Variants in SLX9 observed in about 807,000 individuals in gnomAD.
SLX9 encodes SLX9 ribosome biogenesis factor, also known as ribosome biogenesis protein SLX9 homolog.
SLX9 carries 19 observed loss-of-function variants against 20.8 expected under a neutral mutation model. The ratio of observed to expected loss-of-function variants is 0.91; its 90% CI spans 0.64 to 1.34. SLX9 has a LOEUF of 1.34. Ranked by LOEUF, SLX9 falls within the 40% of genes most tolerant of loss-of-function variation. The pLI is 0.00. For synonymous variants in SLX9, 113 were observed against 137.1 expected (o/e 0.82, Z 1.23); for missense variants, 299 against 322.2 (o/e 0.93, Z 0.55).
chr21:44,964,574 G>T (rs1461699632), intron 3 of SLX9, among the ~76,000 whole-genome samples: 1 of 152,146 alleles, frequency 6.6e-6, no homozygotes, highest in African/African-American at 2.4e-5. Context: ...CACACAGCCT[G>T]TGCCCCAGCC....
At chr21:44,964,971 G>T (rs940560004) in intron 3 of SLX9, among the ~76,000 whole-genome samples, 9 of 152,158 alleles carry the variant, frequency 5.9e-5, no homozygotes, top group African/African-American at 2.2e-4. Context: ...CACTTTGCCT[G>T]GTCTGCCCTG....
In SLX9 at chr21:44,976,839, C is replaced by T; in HGVS notation, c.*36C>T. On this transcript the variant is annotated 3_prime_UTR_variant, in exon 6 of 6. Coordinates refer to ENST00000291634, the MANE Select transcript of SLX9 (RefSeq NM_058190.4). ...GGGCATGCCACAACTCCTCAGGACA[C>T]ATGTGGGCCAAGTAGAGAGCGCCGG... 1 of 1,539,028 alleles carries T rather than the reference C, an allele frequency of 6.5e-7. No individual in the cohort carries two copies. Among genetic ancestry groups the T allele is most frequent in the South Asian group, 1.2e-5 (1 of 83,974 alleles).
At chr21:44,955,616 C>G (rs940149984) in intron 2 of SLX9, among the ~76,000 whole-genome samples, 4 of 152,138 alleles carry the variant, frequency 2.6e-5, no homozygotes, top group Non-Finnish European at 5.9e-5. Context: ...CCTGGGCTCA[C>G]GCAATCTTCC....
chr21:44,952,344 CAG>C lies in SLX9; in HGVS notation c.284-7755_284-7754del, dbSNP rs1265261298. ...GCAATCGGCAGCTTCCCTGGCCACT[CAG>C]GGAGTGACTCCTCCTCATCAGAGCT... On this transcript the variant is annotated intron_variant, in intron 2 of 5. Transcript: ENST00000291634. Among the ~76,000 whole-genome samples the C allele has an allele frequency of 5.9e-5, 9 of 152,390 alleles. No individual in the cohort carries two copies. In the East Asian group the frequency reaches 1.3e-3, roughly 23 times the overall value.
intron 1 of SLX9, among the ~76,000 whole-genome samples, chr21:44,942,098 A>C (rs2084560934): frequency 6.6e-6 from 1 of 152,174 alleles, no homozygotes; most frequent in Non-Finnish European, 1.5e-5. Context: ...TTTTTTATTA[A>C]GCTCCAAAAA....
intron 2 of SLX9, among the ~76,000 whole-genome samples, chr21:44,944,736 TGGGAGCGCCAGGACAGGGCAGGAGCC>T (rs2084611884): frequency 1.3e-5 from 2 of 152,150 alleles, no homozygotes. Flanking sequence ...TCGGCAGAGC[TGGGAGCGCCAGGACAGGGCAGGAGCC>T]GGGTCTGGGG....
At chr21:44,967,012 A>G (rs1219817497) in intron 3 of SLX9, 22 bp from the exon 4 acceptor site, 2 of 1,597,700 alleles carry the variant, frequency 1.3e-6, no homozygotes, top group Non-Finnish European at 1.7e-6. Context: ...GTTTGCCTCT[A>G]ACGTCGTTTC....
In SLX9 at chr21:44,941,837, G is replaced by A. The variant is rs190030258; in HGVS notation, c.129+1651G>A. Among the ~76,000 whole-genome samples, 466 of 152,312 alleles carry A rather than the reference G, an allele frequency of 3.1e-3. 1 individual carries two copies. Among genetic ancestry groups the A allele is most frequent in the Non-Finnish European group, 4.9e-3 (330 of 68,028 alleles). Reference sequence around the variant, plus strand: ...TGCCCTCTGCATCTGTCACCACCCAGAGCTCCTTCCTGGTCAGCAACACCC... The same window carrying A: ...TGCCCTCTGCATCTGTCACCACCCAAAGCTCCTTCCTGGTCAGCAACACCC... On this transcript the variant is annotated intron_variant, in intron 1 of 5. Coordinates refer to ENST00000291634, the MANE Select transcript of SLX9 (RefSeq NM_058190.4).
intron 4 of SLX9, among the ~76,000 whole-genome samples, chr21:44,972,587 C>CTA (rs1033208539): frequency 2.6e-5 from 4 of 152,222 alleles, no homozygotes; most frequent in Non-Finnish European, 5.9e-5. Context: ...AGGGCAGGAT[C>CTA]TACGGTGGGT....
At chr21:44,959,369 C>T in intron 2 of SLX9, 6 of 596,292 alleles carry the variant, frequency 1.0e-5, no homozygotes, top group Non-Finnish European at 1.3e-5. Context: ...CTTGAGTCCA[C>T]TCTGTTTCAG....
At chr21:44,940,004 G>A, upstream of SLX9, 1 of 1,377,404 alleles carries the variant, frequency 7.3e-7, no homozygotes, top group Non-Finnish European at 9.4e-7. Flanking sequence ...CGGCGAGAAC[G>A]CAGGACCAGC....
At chr21:44,954,129 A>G (rs555120511) in intron 2 of SLX9, among the ~76,000 whole-genome samples, 3 of 152,222 alleles carry the variant, frequency 2.0e-5, no homozygotes, top group Admixed American at 6.5e-5. Flanking sequence ...GGGGTGAGCT[A>G]ACACTGGGGG....
At chr21:44,949,733 C>T (rs950636735) in intron 2 of SLX9, among the ~76,000 whole-genome samples, 1 of 152,216 alleles carries the variant, frequency 6.6e-6, no homozygotes, top group African/African-American at 2.4e-5. Flanking sequence ...GACGAGGCCA[C>T]CAGGCTGTGG....
At chr21:44,951,677 G>A (rs889977065) in intron 2 of SLX9, among the ~76,000 whole-genome samples, 3 of 152,156 alleles carry the variant, frequency 2.0e-5, no homozygotes, top group Non-Finnish European at 4.4e-5. Flanking sequence ...GGAGCCGCCC[G>A]AGCGCGCTGT....
chr21:44,974,160 G>T (rs1428153468), intron 5 of SLX9, among the ~76,000 whole-genome samples: 1 of 152,212 alleles, frequency 6.6e-6, no homozygotes, highest in African/African-American at 2.4e-5. Flanking sequence ...TTACGCCCTT[G>T]TAAGATGGTT....
chr21:44,973,491 C>T (rs1193974964), intron 5 of SLX9, among the ~76,000 whole-genome samples: 4 of 94,800 alleles, frequency 4.2e-5, no homozygotes, highest in African/African-American at 8.4e-5. Context: ...GCCCTCACCC[C>T]GCCCACCCTC....
chr21:44,967,802 G>A (rs776173592), intron 4 of SLX9, among the ~76,000 whole-genome samples: 4 of 152,188 alleles, frequency 2.6e-5, no homozygotes, highest in Admixed American at 1.3e-4. Context: ...CTCATGGGGC[G>A]GGAGCTGCCT....
chr21:44,974,799 G>A (rs909036107), intron 5 of SLX9, among the ~76,000 whole-genome samples: 2 of 152,176 alleles, frequency 1.3e-5, no homozygotes, highest in East Asian at 1.9e-4. Flanking sequence ...GACAGTTTGC[G>A]AACAGCAGAG....
intron 2 of SLX9, 21 bp from the exon 3 acceptor site, chr21:44,960,079 T>C: frequency 6.2e-7 from 1 of 1,613,658 alleles, no homozygotes; most frequent in East Asian, 2.2e-5. Context: ...TTTTGCTCAC[T>C]CCCGTGTTCT....
Sources: gnomAD v4.1 joint callset for allele counts (sites outside exome capture counted in the v4.1 genomes callset) on GRCh38, gnomAD v4.1.1 for gene constraint, MANE v1.5 for transcripts, NCBI Gene and HGNC (gene_info 2026-07-23, HGNC 2026-07-21) for gene names.